ZNF805: variants seen among roughly 807,000 people sequenced by gnomAD.
ZNF805 encodes the protein zinc finger protein 805.
Under a neutral mutation model 13.6 loss-of-function variants are expected in ZNF805, and 7 were observed. The ratio of observed to expected loss-of-function variants is 0.51; its 90% CI spans 0.29 to 0.97. The LOEUF is 0.97. Ranked by LOEUF, ZNF805 falls within the 50% of genes least tolerant of loss-of-function variation. The probability of loss-of-function intolerance (pLI) is 0.08; values close to 1 mark genes in which losing one functional copy is unlikely to be tolerated. For missense variants in ZNF805, 604 were observed against 771.0 expected, an observed-to-expected ratio of 0.78 and a Z score of 2.57; for synonymous variants, 293 against 279.8, an observed-to-expected ratio of 1.05 and a Z score of -0.47.
rs748298262 is a variant in ZNF805, at chr19:57,249,143, T to TAA, written c.253+443_253+444insAA. On this transcript the variant is annotated intron_variant, in intron 3 of 3. Transcript: ENST00000414468. ...ACAGTTATTCAGGACCTAGAGTCCT[T>TAA]CTGTCATCAACCTGTTGCTTTAAGG... 7.4e-4 allele frequency among the ~76,000 whole-genome samples: 113 copies of TAA among 152,338 alleles called. 1 individual carries two copies. Among genetic ancestry groups the TAA allele is most frequent in the South Asian group, 1.5e-3 (7 of 4,826 alleles).
At chr19:57,246,201 A>T (rs932161697) in intron 2 of ZNF805, among the ~76,000 whole-genome samples, 5 of 152,142 alleles carry the variant, frequency 3.3e-5, no homozygotes, top group Non-Finnish European at 2.9e-5. Flanking sequence ...CTTGAGACAG[A>T]GTCTCGCTGT....
chr19:57,253,380 A>T lies in ZNF805; in HGVS notation c.561A>T (p.Ser187=). 6.4e-7 allele frequency: 1 copy of T among 1,561,194 alleles called. No individual in the cohort carries two copies. Among genetic ancestry groups the T allele is most frequent in the Non-Finnish European group, 8.7e-7 (1 of 1,152,174 alleles). ...GAGATGATGTCCATGACTGTGACTC[A>T]CATGGATCAGGTAAAAATCCAGTTA... is the stretch of plus-strand genomic sequence containing the variant. ...SLGDDVHDCD[S]HGSGKNPVIQ... is the part of the protein sequence containing the mutation. Residue 187 remains serine, a synonymous_variant, in exon 4 of 4, where the codon TCA becomes TCT. Transcript: ENST00000414468. This position sits in a 1 kb window ranked among gnomAD's most constrained non-coding sequence, Gnocchi z 4.4.
rs1371062974 is a variant in ZNF805 at position 57,259,170 on chromosome 19, T to C, written c.*4467T>C. 2.0e-5 allele frequency among the ~76,000 whole-genome samples: 3 copies of C among 152,182 alleles called. No individual in the cohort carries two copies. Among genetic ancestry groups the C allele is most frequent in the Non-Finnish European group, 4.4e-5 (3 of 68,042 alleles). On this transcript the variant is annotated 3_prime_UTR_variant, in exon 4 of 4. Transcript: ENST00000414468. ...GAGTGTATCATGTTTGGTTTTTGTT[T>C]AGCTTTTTGATTTGTCGGTTTATGC...
chr19:57,252,351 T>G (rs1182221006), intron 3 of ZNF805, among the ~76,000 whole-genome samples: 1 of 152,182 alleles, frequency 6.6e-6, no homozygotes, highest in African/African-American at 2.4e-5. Context: ...GAAACCAACC[T>G]TAGGTTTCAT....
At chr19:57,245,667 T>C (rs1271144176) in intron 2 of ZNF805, among the ~76,000 whole-genome samples, 2 of 150,710 alleles carry the variant, frequency 1.3e-5, no homozygotes, top group Admixed American at 6.6e-5. Flanking sequence ...TAGTCCCAGC[T>C]ACTCGGGAGG....
At chr19:57,250,912 T>C (rs771507293) in intron 3 of ZNF805, among the ~76,000 whole-genome samples, 1 of 152,250 alleles carries the variant, frequency 6.6e-6, no homozygotes, top group Non-Finnish European at 1.5e-5. Context: ...TCTTCACTTA[T>C]ATTCCGCTTG....
intron 2 of ZNF805, among the ~76,000 whole-genome samples, chr19:57,247,248 C>T (rs1245892565): frequency 1.3e-5 from 2 of 152,122 alleles, no homozygotes; most frequent in Non-Finnish European, 2.9e-5. Flanking sequence ...TTTAATGGTT[C>T]GTGAAATGCT....
In ZNF805 at chr19:57,259,781, C is replaced by T. The variant is rs189088899; in HGVS notation, c.*5078C>T. ...TCGGCCTCCCGAAGTGCTGGGATTA[C>T]AGGTGTGAGCCACTGTGCCTGGCCT... is the stretch of plus-strand genomic sequence containing the variant. On this transcript the variant is annotated 3_prime_UTR_variant, in exon 4 of 4. Transcript: ENST00000414468. Among the ~76,000 whole-genome samples, 213 of 152,346 alleles carry T rather than the reference C, an allele frequency of 1.4e-3. 3 individuals are homozygous for T. The highest frequency in any genetic ancestry group is 5.1e-3 in the African/African-American group (210 of 41,578).
chr19:57,243,445 G>T (rs988297148), intron 1 of ZNF805, among the ~76,000 whole-genome samples: 1 of 152,166 alleles, frequency 6.6e-6, no homozygotes, highest in Non-Finnish European at 1.5e-5. Flanking sequence ...AGAGATAAAT[G>T]AGGTCCCTGA....
Position 57,254,397 on chromosome 19 carries a change from C to T in ZNF805, c.1578C>T (p.Leu526=), listed in dbSNP as rs1370217218. The change falls in exon 4 of 4, where the codon CTC becomes CTT. Residue 526 remains leucine (L), a synonymous_variant. Coordinates refer to ENST00000414468, the MANE Select transcript of ZNF805 (RefSeq NM_001023563.4). ...CGKTFCWSTN[L]IRHSIIHTGE... ...AAACATTTTGCTGGAGCACAAACCT[C>T]ATTCGACACTCTATCATCCACACTG... The T allele has an allele frequency of 6.2e-7, 1 of 1,613,838 alleles. No homozygotes were observed. Among genetic ancestry groups the T allele is most frequent in the South Asian group, 1.1e-5 (1 of 91,052 alleles).
rs1407465678 is a variant in ZNF805 at position 57,258,878 on chromosome 19, GTC to G, written c.*4179_*4180del. Among the ~76,000 whole-genome samples, 3 of 152,130 alleles carry G rather than the reference GTC, an allele frequency of 2.0e-5. No individual in the cohort carries two copies. Among genetic ancestry groups the G allele is most frequent in the Admixed American group, 2.0e-4 (3 of 15,280 alleles). On this transcript the variant is annotated 3_prime_UTR_variant, in exon 4 of 4. Transcript: ENST00000414468. ...TTTTTTCTAGGGTCAGTCTGCTGGT[GTC>G]TCTAAAAGTGTCTTTATGTTCCCTT... is the stretch of plus-strand genomic sequence containing the variant.
At position 57,254,484 on chromosome 19, in the gene ZNF805, T is replaced by C. The variant is rs769288650; in HGVS notation, c.1665T>C (p.Thr555=). 1.9e-6 allele frequency: 3 copies of C among 1,614,082 alleles called. No homozygotes were observed. In the African/African-American group the frequency reaches 4.0e-5, roughly 22 times the overall value. ...GKAFSRSSSL[T]QHQRMHTGRN... The stretch of plus-strand genomic sequence containing the variant: ...CCTTCAGTCGCAGCTCGTCCCTCAC[T>C]CAGCATCAAAGGATGCATACTGGGA... Residue 555 remains threonine (T), a synonymous_variant, in exon 4 of 4, where the codon ACT becomes ACC. Coordinates refer to ENST00000414468, the MANE Select transcript of ZNF805 (RefSeq NM_001023563.4).
rs1294084665 is a variant in ZNF805, at chr19:57,256,027, GGTT to G, written c.*1325_*1327del. On this transcript the variant is annotated 3_prime_UTR_variant, in exon 4 of 4. Coordinates refer to ENST00000414468, the MANE Select transcript of ZNF805 (RefSeq NM_001023563.4). ...ATTCCTAATTTGCTGGGATTTTTTT[GGTT>G]ATTATTAATAAGTGTTGAATTTTGT... Among the ~76,000 whole-genome samples the G allele has an allele frequency of 2.6e-5, 4 of 151,854 alleles. No individual in the cohort carries two copies. Among genetic ancestry groups the G allele is most frequent in the Non-Finnish European group, 5.9e-5 (4 of 67,900 alleles).
rs1351797054 is a variant in ZNF805 at position 57,252,255 on chromosome 19, A to G, written c.254-818A>G. Among the ~76,000 whole-genome samples the G allele has an allele frequency of 3.3e-5, 5 of 152,178 alleles. No individual in the cohort carries two copies. The East Asian group carries it at 7.7e-4, about 23-fold the overall frequency. On this transcript the variant is annotated intron_variant, in intron 3 of 3. Coordinates refer to ENST00000414468, the MANE Select transcript of ZNF805 (RefSeq NM_001023563.4). ...ATCTTTTTCTACCCAGGATTAGCCA[A>G]ACTCAAGATAAGGACACAGTCCTCC...
At position 57,256,118 on chromosome 19, in the gene ZNF805, T is replaced by C. The variant is rs1467521863; in HGVS notation, c.*1415T>C. 6.6e-6 allele frequency among the ~76,000 whole-genome samples: 1 copy of C among 152,148 alleles called. No homozygotes were observed. Among genetic ancestry groups the C allele is most frequent in the Non-Finnish European group, 1.5e-5 (1 of 67,970 alleles). ...ATGTTACTTCTATAGTCAGTTGATA[T>C]GATGTGTTACCTTGATTGAGTTTCA... On this transcript the variant is annotated 3_prime_UTR_variant, in exon 4 of 4. Transcript: ENST00000414468.
In ZNF805 at chr19:57,244,039, G is replaced by A. The variant is rs1363412293; in HGVS notation, c.147G>A (p.Leu49=). Residue 49 remains leucine (L), a synonymous_variant, in exon 2 of 4, where the codon CTG becomes CTA. Transcript: ENST00000414468. ...TGATGCTGGAAAACTGTGGGCTCCT[G>A]GTATCTCTGGGTAAGGCCTTCCCCC... ...QEVMLENCGL[L]VSLGCPVPRP... 3 of 1,613,626 alleles carry A rather than the reference G, an allele frequency of 1.9e-6. No homozygotes were observed. The highest frequency in any genetic ancestry group is 4.5e-5 in the East Asian group (2 of 44,862).
Position 57,259,377 on chromosome 19 carries a change from C to A in ZNF805, c.*4674C>A, listed in dbSNP as rs1351605246. Among the ~76,000 whole-genome samples, 1 of 151,628 alleles carries A rather than the reference C, an allele frequency of 6.6e-6. No homozygotes were observed. The highest frequency in any genetic ancestry group is 1.5e-5 in the Non-Finnish European group (1 of 67,914). On this transcript the variant is annotated 3_prime_UTR_variant, in exon 4 of 4. Transcript: ENST00000414468. ...CCCTTTTTTTCATATTGGTTAATTT[C>A]TGTTGACTTTTTTTCAGCTCACTGA...
chr19:57,254,222 C>T lies in ZNF805; in HGVS notation c.1403C>T (p.Ala468Val), dbSNP rs1390524428. The part of the protein sequence containing the change: ...KECGKAFSNR[A>V]DLIRHFSIHT... ...TGTGGGAAAGCCTTTAGCAATAGGGCAGACCTCATTCGCCACTTCAGCATC... is the reference window on the plus strand; with the variant it reads ...TGTGGGAAAGCCTTTAGCAATAGGGTAGACCTCATTCGCCACTTCAGCATC... The change falls in exon 4 of 4, where the codon GCA (alanine) becomes GTA (valine). Residue 468 changes from alanine to valine, a missense_variant. Around this residue, in one of 3 missense-constraint regions of ZNF805, gnomAD observed 228 missense variants for 352.8 expected, o/e 0.65. Transcript: ENST00000414468. The T allele has an allele frequency of 2.5e-6, 4 of 1,614,070 alleles. No individual in the cohort carries two copies. Among genetic ancestry groups the T allele is most frequent in the Non-Finnish European group, 3.4e-6 (4 of 1,180,012 alleles).
intron 2 of ZNF805, among the ~76,000 whole-genome samples, chr19:57,246,026 G>A (rs914412568): frequency 3.3e-5 from 5 of 152,150 alleles, no homozygotes; most frequent in South Asian, 2.1e-4. Flanking sequence ...ATTTCTTCTC[G>A]TCTTGTCTCC....
Sources: allele counts gnomAD v4.1 joint callset (sites outside exome capture counted in the v4.1 genomes callset), GRCh38; gene constraint gnomAD v4.1.1; regional missense constraint gnomAD v4.1.1; non-coding constraint Gnocchi (gnomAD v3.1); transcripts MANE v1.5; gene names NCBI Gene and HGNC (gene_info 2026-07-23, HGNC 2026-07-21).